Variants in CNTNAP2 observed in about 807,000 individuals in gnomAD.
The protein encoded by CNTNAP2 is contactin-associated protein-like 2.
CNTNAP2 carries 98 observed loss-of-function variants against 155.2 expected under a neutral mutation model. That is an observed-to-expected ratio of 0.63 (90% CI 0.54 to 0.75). The LOEUF is 0.75. Ranked by LOEUF, CNTNAP2 falls within the 30% of genes least tolerant of loss-of-function variation. The probability of loss-of-function intolerance (pLI) is 0.00; values close to 1 mark genes in which losing one functional copy is unlikely to be tolerated. For missense variants in CNTNAP2, 1,727 were observed against 1,688.1 expected (o/e 1.02, Z -0.40); for synonymous variants, 651 against 631.2 (o/e 1.03, Z -0.47).
intron 13 of CNTNAP2, among the ~76,000 whole-genome samples, chr7:147,649,631 A>G (rs1433728959): frequency 1.3e-5 from 2 of 152,120 alleles, no homozygotes; most frequent in African/African-American, 4.8e-5. Flanking sequence ...ATGAGTTTAT[A>G]GAGTTGCATT....
chr7:146,833,309 G>A (rs1237807214), intron 2 of CNTNAP2, among the ~76,000 whole-genome samples: 1 of 152,072 alleles, frequency 6.6e-6, no homozygotes, highest in Admixed American at 6.6e-5. Flanking sequence ...TTTCATTCCT[G>A]TCATTTGAAA....
intron 17 of CNTNAP2, among the ~76,000 whole-genome samples, chr7:148,155,448 G>A (rs561443501): frequency 8.5e-5 from 13 of 152,176 alleles, no homozygotes; most frequent in Middle Eastern, 3.4e-3. Flanking sequence ...AAATACAATG[G>A]GAAAGTTTTT....
intron 1 of CNTNAP2, among the ~76,000 whole-genome samples, chr7:146,727,724 A>G (rs913622888): frequency 5.3e-5 from 8 of 152,352 alleles, no homozygotes; most frequent in South Asian, 2.1e-4. Flanking sequence ...AGCTCTACCC[A>G]GTAATATTTA....
At chr7:146,711,740 TA>T (rs1437610667) in intron 1 of CNTNAP2, among the ~76,000 whole-genome samples, 3 of 145,670 alleles carry the variant, frequency 2.1e-5, no homozygotes, top group Admixed American at 7.0e-5. Context: ...TATACATATA[TA>T]GTATACACAT....
At chr7:147,138,801 C>A (rs961408128) in intron 8 of CNTNAP2, among the ~76,000 whole-genome samples, 9 of 151,858 alleles carry the variant, frequency 5.9e-5, no homozygotes, top group African/African-American at 1.9e-4. Context: ...ATGCCTTTTT[C>A]AGGGAAGATG....
chr7:146,823,425 C>A (rs1803334261), intron 2 of CNTNAP2, among the ~76,000 whole-genome samples: 2 of 118,772 alleles, frequency 1.7e-5, no homozygotes, highest in Non-Finnish European at 3.4e-5. Flanking sequence ...ACTCATTCTT[C>A]AGTATATTTC....
At chr7:148,102,728 T>C (rs1005522255) in intron 15 of CNTNAP2, among the ~76,000 whole-genome samples, 3 of 152,234 alleles carry the variant, frequency 2.0e-5, no homozygotes, top group South Asian at 2.1e-4. Flanking sequence ...AAATCTTTTA[T>C]GTTGTGGCCC....
At chr7:148,331,715 A>ATGGATGGAGTGGATGGATAGAG (rs1563045930) in intron 21 of CNTNAP2, among the ~76,000 whole-genome samples, 1 of 150,526 alleles carries the variant, frequency 6.6e-6, no homozygotes. Flanking sequence ...GATGGAGTGG[A>ATGGATGGAGTGGATGGATAGAG]CGGATGGATT....
intron 2 of CNTNAP2, among the ~76,000 whole-genome samples, chr7:146,796,368 G>A (rs765503241): frequency 9.9e-5 from 15 of 152,154 alleles, no homozygotes; most frequent in Non-Finnish European, 2.9e-5. Context: ...CTGGGCTGGA[G>A]TTTTTAAGGG....
chr7:148,355,639 C>A (rs1383359988), intron 21 of CNTNAP2, among the ~76,000 whole-genome samples: 1 of 152,178 alleles, frequency 6.6e-6, no homozygotes, highest in Admixed American at 6.5e-5. Context: ...CATAAGTGAG[C>A]ACCAACAGTA....
chr7:147,635,084 T>G (rs1795152891), intron 12 of CNTNAP2, among the ~76,000 whole-genome samples: 2 of 152,042 alleles, frequency 1.3e-5, no homozygotes, highest in Admixed American at 1.3e-4. Flanking sequence ...AGTGAAGCCT[T>G]TTGCAGCTTT....
intron 1 of CNTNAP2, among the ~76,000 whole-genome samples, chr7:146,538,876 C>T (rs1178847608): frequency 6.6e-6 from 1 of 151,940 alleles, no homozygotes; most frequent in Non-Finnish European, 1.5e-5. Context: ...TGTAGAAAAT[C>T]TAAGTTATCA....
At chr7:146,899,666 G>C (rs555955943) in intron 3 of CNTNAP2, among the ~76,000 whole-genome samples, 1 of 152,302 alleles carries the variant, frequency 6.6e-6, no homozygotes, top group South Asian at 2.1e-4. Context: ...GCTCACGGAA[G>C]AAGAACCAGG....
At position 147,574,665 on chromosome 7, in the gene CNTNAP2, G is replaced by A. The variant is rs181897369; in HGVS notation, c.1897+12408G>A. Among the ~76,000 whole-genome samples the A allele has an allele frequency of 1.6e-3, 243 of 152,098 alleles. 2 individuals carry two copies. Among genetic ancestry groups the A allele is most frequent in the African/African-American group, 5.8e-3 (240 of 41,512 alleles). ...TTTCCTGGAGGTTTCTGATCTGGTT[G>A]CCAACAATCTTGGAACCATTTGGGG... On this transcript the variant is annotated intron_variant, in intron 12 of 23. Transcript: ENST00000361727.
At position 147,780,437 on chromosome 7, in the gene CNTNAP2, T is replaced by G. The variant is rs1440922528; in HGVS notation, c.2099-123128T>G. On this transcript the variant is annotated intron_variant, in intron 13 of 23. Coordinates refer to ENST00000361727, the MANE Select transcript of CNTNAP2 (RefSeq NM_014141.6). ...TAAAGTTTTAATATTATAAGAATAT[T>G]TCTGAGGTCAGTATTTATACCTCTA... Among the ~76,000 whole-genome samples the G allele has an allele frequency of 2.6e-5, 4 of 152,326 alleles. No homozygotes were observed. In the East Asian group the frequency reaches 5.8e-4, roughly 22 times the overall value.
At chr7:146,654,184 A>G (rs1029304407) in intron 1 of CNTNAP2, among the ~76,000 whole-genome samples, 1 of 152,026 alleles carries the variant, frequency 6.6e-6, no homozygotes, top group Non-Finnish European at 1.5e-5. Context: ...GCACATAAAC[A>G]TTTGGCTCCT....
chr7:148,197,549 A>G (rs992313988), intron 18 of CNTNAP2, among the ~76,000 whole-genome samples: 1 of 152,244 alleles, frequency 6.6e-6, no homozygotes, highest in African/African-American at 2.4e-5. Flanking sequence ...AACAGAGTCA[A>G]TGTATGAAAT....
chr7:146,751,023 A>G (rs1801894180), intron 1 of CNTNAP2, among the ~76,000 whole-genome samples: 1 of 152,296 alleles, frequency 6.6e-6, no homozygotes, highest in East Asian at 1.9e-4. Context: ...AATGTTTACA[A>G]GTGTTATCTT....
intron 10 of CNTNAP2, among the ~76,000 whole-genome samples, chr7:147,484,047 C>A (rs1026288680): frequency 6.6e-6 from 1 of 152,176 alleles, no homozygotes; most frequent in East Asian, 1.9e-4. Flanking sequence ...ACTTGTAACT[C>A]CTCTAGTATC....
Sources: gnomAD v4.1 joint callset for allele counts (sites outside exome capture counted in the v4.1 genomes callset) on GRCh38, gnomAD v4.1.1 for gene constraint, MANE v1.5 for transcripts, NCBI Gene and HGNC (gene_info 2026-07-23, HGNC 2026-07-21) for gene names.